ARHGAP24: variants seen among roughly 807,000 people sequenced by gnomAD.
ARHGAP24 encodes rho GTPase-activating protein 24.
In ARHGAP24, 50 loss-of-function variants were observed where a neutral mutation model predicts 76.4. That is an observed-to-expected ratio of 0.65 (90% confidence interval 0.52 to 0.83). ARHGAP24 has a LOEUF of 0.83. ARHGAP24 is among the 40% of genes least tolerant of loss of function. The probability of loss-of-function intolerance (pLI) is 0.00; values close to 1 mark genes in which losing one functional copy is unlikely to be tolerated. For synonymous variants in ARHGAP24, 345 were observed against 323.3 expected, an observed-to-expected ratio of 1.07 and a Z score of -0.72; for missense variants, 930 against 914.2, an observed-to-expected ratio of 1.02 and a Z score of -0.22.
At chr4:85,622,383 G>A (rs1449032777) in intron 2 of ARHGAP24, among the ~76,000 whole-genome samples, 1 of 151,566 alleles carries the variant, frequency 6.6e-6, no homozygotes, top group African/African-American at 2.4e-5. Context: ...TGCTGAGAAT[G>A]ATGGTTTCCA....
chr4:85,942,489 AT>A (rs971113773), intron 5 of ARHGAP24: 147 of 532,470 alleles, frequency 2.8e-4, no homozygotes, highest in South Asian at 6.6e-4. Context: ...ATCTTAAAAC[AT>A]TTTTTTTGTT....
chr4:85,668,076 T>G (rs1183684782), intron 2 of ARHGAP24, among the ~76,000 whole-genome samples: 1 of 152,232 alleles, frequency 6.6e-6, no homozygotes, highest in Non-Finnish European at 1.5e-5. Context: ...TGAGATTATC[T>G]CTTGTGATCC....
intron 2 of ARHGAP24, among the ~76,000 whole-genome samples, chr4:85,640,563 T>C: frequency 6.6e-6 from 1 of 152,214 alleles, no homozygotes; most frequent in Admixed American, 6.5e-5. Flanking sequence ...CATGACACTT[T>C]AGAGTTTATT....
chr4:85,661,542 G>C (rs1355492064), intron 2 of ARHGAP24, among the ~76,000 whole-genome samples: 1 of 151,834 alleles, frequency 6.6e-6, no homozygotes, highest in Non-Finnish European at 1.5e-5. Context: ...TATACTTTAA[G>C]TTTTAGGGTA....
At chr4:85,961,102 A>G (rs1560747900) in intron 5 of ARHGAP24, among the ~76,000 whole-genome samples, 1 of 152,214 alleles carries the variant, frequency 6.6e-6, no homozygotes, top group East Asian at 1.9e-4. Flanking sequence ...GAAACATCTG[A>G]CATGTAGTGA....
At chr4:85,609,089 T>C (rs952820369) in intron 2 of ARHGAP24, among the ~76,000 whole-genome samples, 21 of 152,142 alleles carry the variant, frequency 1.4e-4, no homozygotes, top group Admixed American at 5.9e-4. Context: ...TACATTATGT[T>C]TCTAAAATGC....
chr4:85,503,685 T>A (rs1159050982), intron 1 of ARHGAP24, among the ~76,000 whole-genome samples: 1 of 152,146 alleles, frequency 6.6e-6, no homozygotes, highest in Admixed American at 6.5e-5. Flanking sequence ...ATTCAATGAT[T>A]TTTTGAAGGG....
chr4:85,979,347 T>C (rs907395651), intron 8 of ARHGAP24, among the ~76,000 whole-genome samples: 2 of 152,146 alleles, frequency 1.3e-5, no homozygotes, highest in African/African-American at 4.8e-5. Flanking sequence ...ATGAAATGTA[T>C]CATCTTAACC....
At chr4:85,759,742 G>C (rs1726665259) in intron 3 of ARHGAP24, among the ~76,000 whole-genome samples, 1 of 152,020 alleles carries the variant, frequency 6.6e-6, no homozygotes, top group African/African-American at 2.4e-5. Context: ...AAAGAAGGGT[G>C]GTACATGAAA....
intron 3 of ARHGAP24, among the ~76,000 whole-genome samples, chr4:85,792,986 G>T (rs935097878): frequency 6.6e-6 from 1 of 152,054 alleles, no homozygotes; most frequent in African/African-American, 2.4e-5. Context: ...ATTTTTTCTG[G>T]CATCATAAAT....
At chr4:85,588,759 A>G in intron 2 of ARHGAP24, among the ~76,000 whole-genome samples, 1 of 152,196 alleles carries the variant, frequency 6.6e-6, no homozygotes, top group East Asian at 1.9e-4. Context: ...CAAAATTTTT[A>G]TTTGATTTCT....
chr4:85,830,588 T>G (rs1205752538), intron 3 of ARHGAP24, among the ~76,000 whole-genome samples: 1 of 152,222 alleles, frequency 6.6e-6, no homozygotes, highest in Non-Finnish European at 1.5e-5. Context: ...TCTCTTTACC[T>G]TGGCCACTAA....
At chr4:85,990,976 A>T (rs551762599) in intron 8 of ARHGAP24, 2 of 152,026 alleles carry the variant, frequency 1.3e-5, no homozygotes, top group Non-Finnish European at 2.9e-5. Flanking sequence ...CCTTTTTGGA[A>T]ATGGAGACTA....
intron 3 of ARHGAP24, among the ~76,000 whole-genome samples, chr4:85,780,225 G>A (rs1401429204): frequency 6.6e-6 from 1 of 151,970 alleles, no homozygotes; most frequent in Non-Finnish European, 1.5e-5. Context: ...CCAGGCTGGA[G>A]TGCAATGGCA....
chr4:85,597,313 A>G (rs201681518), intron 2 of ARHGAP24, among the ~76,000 whole-genome samples: 1 of 152,074 alleles, frequency 6.6e-6, no homozygotes, highest in Admixed American at 6.6e-5. Context: ...CTTTCCATCA[A>G]ATATCACCCA....
intron 6 of ARHGAP24, among the ~76,000 whole-genome samples, chr4:85,973,185 A>G (rs951355073): frequency 7.2e-5 from 11 of 152,192 alleles, no homozygotes; most frequent in African/African-American, 2.7e-4. Flanking sequence ...TCAAATGTCT[A>G]CCATCACTTG....
intron 1 of ARHGAP24, among the ~76,000 whole-genome samples, chr4:85,527,739 T>A (rs920815216): frequency 6.6e-6 from 1 of 152,176 alleles, no homozygotes; most frequent in Non-Finnish European, 1.5e-5. Context: ...TCATTTTGAA[T>A]ATAGAAATAC....
chr4:85,791,360 G>A lies in ARHGAP24; in HGVS notation c.268+69388G>A, dbSNP rs17010922. On this transcript the variant is annotated intron_variant, in intron 3 of 9. Transcript: ENST00000395184. ...AACGGCAAAGATAAGAGGTACAAAC[G>A]TAAAATATTGCTCTCTACTAAGTGA... Among the ~76,000 whole-genome samples the A allele has an allele frequency of 2.3e-3, 343 of 152,272 alleles. 1 individual carries two copies. The highest frequency in any genetic ancestry group is 6.3e-3 in the African/African-American group (261 of 41,568).
intron 1 of ARHGAP24, among the ~76,000 whole-genome samples, chr4:85,486,088 G>T (rs1173124987): frequency 6.6e-6 from 1 of 152,018 alleles, no homozygotes; most frequent in African/African-American, 2.4e-5. Flanking sequence ...GCAGAACTCT[G>T]AAAAATGGGT....
Sources: allele counts gnomAD v4.1 joint callset (sites outside exome capture counted in the v4.1 genomes callset), GRCh38; gene constraint gnomAD v4.1.1; transcripts MANE v1.5; gene names NCBI Gene and HGNC (gene_info 2026-07-23, HGNC 2026-07-21).